ALS2CL: variants seen among roughly 807,000 people sequenced by gnomAD.
ALS2CL encodes the protein ALS2 C-terminal like, also known as ALS2 C-terminal-like protein.
ALS2CL carries 112 observed loss-of-function variants against 127.9 expected under a neutral mutation model. That is an observed-to-expected ratio of 0.88 (90% CI 0.75 to 1.02). The LOEUF (loss-of-function observed/expected upper bound fraction) is 1.02, where lower values mean the gene tolerates loss of function less well. ALS2CL is among the 50% of genes least tolerant of loss of function. The probability of loss-of-function intolerance (pLI) is 0.00; values close to 1 mark genes in which losing one functional copy is unlikely to be tolerated. For missense variants in ALS2CL, 1,174 were observed against 1,236.7 expected, an observed-to-expected ratio of 0.95 and a Z score of 0.76; for synonymous variants, 519 against 527.6, an observed-to-expected ratio of 0.98 and a Z score of 0.22.
At position 46,681,482 on chromosome 3, in the gene ALS2CL, C is replaced by G. The variant is rs187994419; in HGVS notation, c.1274+18G>C. The G allele has an allele frequency of 5.6e-6, 9 of 1,614,082 alleles. No individual in the cohort carries two copies. Among genetic ancestry groups the G allele is most frequent in the Non-Finnish European group, 7.6e-6 (9 of 1,179,938 alleles). ...AGGATGGGCCCAGCCCATGAACCCC[C>G]CAGCCAGGGTCACTTACTCACAGAT... On this transcript the variant is annotated intron_variant, in intron 12 of 25. Coordinates refer to ENST00000318962, the MANE Select transcript of ALS2CL (RefSeq NM_147129.5). This position sits in a 1 kb window ranked among gnomAD's most constrained non-coding sequence, Gnocchi z 4.9.
At chr3:46,679,537 G>A in intron 14 of ALS2CL, 1 of 300,376 alleles carries the variant, frequency 3.3e-6, no homozygotes, top group Non-Finnish European at 6.1e-6. Flanking sequence ...CCTCACCCCA[G>A]CGGCTTCTTC....
rs1698665152 is a variant in ALS2CL, at chr3:46,674,644, T to C, written c.2351A>G (p.Asp784Gly). 1 of 1,614,078 alleles carries C rather than the reference T, an allele frequency of 6.2e-7. No individual in the cohort carries two copies. ...GGCAATGCCCTGGCTGTAGAAGCTG[T>C]CCTCCCGCTCATGAAGCAGCAGGTA... is the stretch of plus-strand genomic sequence containing the variant. ...TLYLLLHERE[D>G]SFYSQGIANL... Residue 784 changes from aspartate to glycine, a missense_variant, in exon 21 of 26, where the codon GAC becomes GGC. Physicochemically the swap from Asp to Gly is moderately conservative, Grantham distance 94 (BLOSUM62 -1). Coordinates refer to ENST00000318962, the MANE Select transcript of ALS2CL (RefSeq NM_147129.5).
At chr3:46,680,923 T>C (rs1386168365) in intron 13 of ALS2CL, 3 of 547,824 alleles carry the variant, frequency 5.5e-6, no homozygotes, top group Non-Finnish European at 9.9e-6. Context: ...GAGGCTGTGA[T>C]TGCCAGGCCA....
chr3:46,670,070 T>G lies in ALS2CL; in HGVS notation c.*914A>C, dbSNP rs1304407006. The G allele has an allele frequency of 1.3e-5, 2 of 152,206 alleles. No individual in the cohort carries two copies. Among genetic ancestry groups the G allele is most frequent in the Non-Finnish European group, 2.9e-5 (2 of 68,070 alleles). 9.4% of individuals were successfully genotyped at this position (152,206 alleles called of 1,614,324 possible). On this transcript the variant is annotated 3_prime_UTR_variant, in exon 26 of 26. Coordinates refer to ENST00000318962, the MANE Select transcript of ALS2CL (RefSeq NM_147129.5). This position sits in a 1 kb window ranked among gnomAD's most constrained non-coding sequence, Gnocchi z 5.5. ...ATCACACTGCCTGTCATCATGCATC[T>G]CCGGCTAGGGCAGAGGGAGACCGTG...
chr3:46,673,238 CT>C, intron 22 of ALS2CL, 100 bp downstream of exon 22: 1 of 1,084,946 alleles, frequency 9.2e-7, no homozygotes, highest in Non-Finnish European at 1.3e-6. Flanking sequence ...CCCTCCCCAG[CT>C]CCTCTGCAGC....
intron 11 of ALS2CL, 27 bp downstream of exon 11, chr3:46,682,002 C>T (rs760640119): frequency 4.3e-6 from 7 of 1,612,830 alleles, no homozygotes; most frequent in Non-Finnish European, 5.1e-6. Flanking sequence ...CTGCACGCCT[C>T]CCAGCAGTAG....
intron 4 of ALS2CL, among the ~76,000 whole-genome samples, chr3:46,687,411 G>C (rs1269360831): frequency 2.0e-5 from 3 of 152,262 alleles, no homozygotes; most frequent in Non-Finnish European, 4.4e-5. Flanking sequence ...AGCCCAGCTA[G>C]AGCGGGTCTG....
chr3:46,688,069 AG>A (rs757524951), intron 3 of ALS2CL, 28 bp downstream of exon 3: 1 of 1,605,038 alleles, frequency 6.2e-7, no homozygotes, highest in Admixed American at 1.7e-5. Context: ...ACCAGGGATG[AG>A]CCCCAGCCCC....
Position 46,691,986 on chromosome 3 carries a change from G to A in ALS2CL, c.-26+1657C>T, listed in dbSNP as rs370827087. Among the ~76,000 whole-genome samples, 28 of 152,254 alleles carry A rather than the reference G, an allele frequency of 1.8e-4. No homozygotes were observed. The South Asian group carries it at 4.6e-3, about 25-fold the overall frequency. On this transcript the variant is annotated intron_variant, in intron 1 of 25. Coordinates refer to ENST00000318962, the MANE Select transcript of ALS2CL (RefSeq NM_147129.5). The stretch of plus-strand genomic sequence containing the variant: ...ACCCCACAAAGCAGCCTATGACTCC[G>A]GGGGTGAGTCCTCCAGACTCAAGTT...
chr3:46,685,564 C>T lies in ALS2CL; in HGVS notation c.747G>A (p.Glu249=). 1 of 1,614,044 alleles carries T rather than the reference C, an allele frequency of 6.2e-7. No individual in the cohort carries two copies. Among genetic ancestry groups the T allele is most frequent in the Non-Finnish European group, 8.5e-7 (1 of 1,179,964 alleles). ...GGGCATCATCAAAGAGCAGCACACGCTCAGCCCGCAACGGTGCGACCGTCA... is the reference window on the plus strand; with the variant it reads ...GGGCATCATCAAAGAGCAGCACACGTTCAGCCCGCAACGGTGCGACCGTCA... ...VPVTVAPLRA[E]RVLLFDDALV... is the part of the protein sequence containing the mutation. The change falls in exon 7 of 26, where the codon GAG becomes GAA. Residue 249 remains glutamate, a synonymous_variant. Coordinates refer to ENST00000318962, the MANE Select transcript of ALS2CL (RefSeq NM_147129.5).
At chr3:46,679,380 T>G in intron 14 of ALS2CL, 93 bp from the exon 15 acceptor site, 51 of 1,003,528 alleles carry the variant, frequency 5.1e-5, no homozygotes, top group Non-Finnish European at 6.5e-5. Context: ...AAGGGAGATG[T>G]GCCCTGACAC....
At position 46,669,010 on chromosome 3, in the gene ALS2CL, CTTT is replaced by C. The variant is rs1392569505; in HGVS notation, c.*1971_*1973del. 6.6e-6 allele frequency: 1 copy of C among 152,138 alleles called. No individual in the cohort carries two copies. Among genetic ancestry groups the C allele is most frequent in the African/African-American group, 2.4e-5 (1 of 41,410 alleles). 9.4% of individuals were successfully genotyped at this position (152,138 alleles called of 1,614,324 possible). A position where few individuals can be genotyped will look rare whatever the true frequency, so the allele number is the denominator to read the frequency against. Reference sequence around the variant, plus strand: ...GCCCCCTAGGCTCTGTCCAGATGCTCTTTTTTATTTATTTTATTTTTATTTTTA... The same window carrying C: ...GCCCCCTAGGCTCTGTCCAGATGCTCTTTATTTATTTTATTTTTATTTTTA... On this transcript the variant is annotated 3_prime_UTR_variant, in exon 26 of 26. Coordinates refer to ENST00000318962, the MANE Select transcript of ALS2CL (RefSeq NM_147129.5).
rs1195083116 is a variant in ALS2CL, at chr3:46,687,608, C to G, written c.368+11G>C. The stretch of plus-strand genomic sequence containing the variant: ...CCCTGTCAGGGGCCAGTGCACCAGC[C>G]CTGTGCTCACCTTCTCCTCTTTGCT... On this transcript the variant is annotated intron_variant, in intron 4 of 25. Transcript: ENST00000318962. The G allele has an allele frequency of 1.1e-5, 18 of 1,612,466 alleles. No homozygotes were observed. The highest frequency in any genetic ancestry group is 1.5e-5 in the Non-Finnish European group (18 of 1,179,380).
intron 3 of ALS2CL, 31 bp from the exon 4 acceptor site, chr3:46,687,715 C>T (rs752579816): frequency 6.2e-7 from 1 of 1,600,030 alleles, no homozygotes; most frequent in South Asian, 1.1e-5. Flanking sequence ...ACCCTGCAAA[C>T]CCAGTCCTCA....
intron 3 of ALS2CL, 21 bp downstream of exon 3, chr3:46,688,076 GC>G: frequency 1.2e-6 from 2 of 1,608,818 alleles, no homozygotes; most frequent in Non-Finnish European, 1.7e-6. Context: ...ATGAGCCCCA[GC>G]CCCACCTCCA....
Position 46,684,009 on chromosome 3 carries a change from C to A in ALS2CL, c.825G>T (p.Trp275Cys). 1 of 1,576,218 alleles carries A rather than the reference C, an allele frequency of 6.3e-7. No individual in the cohort carries two copies. Among genetic ancestry groups the A allele is most frequent in the Non-Finnish European group, 8.6e-7 (1 of 1,159,818 alleles). Reference sequence around the variant, plus strand: ...CTCACCCGTCCTGCCCAGGATCCACCCACACCAGCTTCAGATCAAAGGTGT... The same window carrying A: ...CTCACCCGTCCTGCCCAGGATCCACACACACCAGCTTCAGATCAAAGGTGT... ...NVHTFDLKLVWVDPGQDGCTF... is the reference protein window; with the variant it reads ...NVHTFDLKLVCVDPGQDGCTF... Residue 275 changes from tryptophan (W) to cysteine (C), a missense_variant, in exon 8 of 26, where the codon TGG (tryptophan) becomes TGT (cysteine). Trp to Cys is a radical substitution (Grantham distance 215, BLOSUM62 -2). Coordinates refer to ENST00000318962, the MANE Select transcript of ALS2CL (RefSeq NM_147129.5).
At chr3:46,672,960 C>G (rs931896238) in intron 22 of ALS2CL, among the ~76,000 whole-genome samples, 1 of 152,098 alleles carries the variant, frequency 6.6e-6, no homozygotes, top group Non-Finnish European at 1.5e-5. Flanking sequence ...GAGCTGAGAT[C>G]GCACCACTGC....
Position 46,686,427 on chromosome 3 carries a change from G to A in ALS2CL, c.547C>T (p.Arg183Trp), listed in dbSNP as rs1195841047. ...GDTIGEHHPT[R>W]ELVVNAVTLF... ...GTGACTGCGTTCACCACCAGCTCCC[G>A]GGTTGGGTGATGCTGAAGGGGGACA... Residue 183 changes from arginine (R) to tryptophan (W), a missense_variant, in exon 6 of 26, where the codon CGG becomes TGG. Arg to Trp is a moderately radical substitution (Grantham distance 101). Transcript: ENST00000318962. The surrounding 1 kb of genome is among the most constrained non-coding windows in gnomAD (Gnocchi z 4.3). 14 of 1,613,044 alleles carry A rather than the reference G, an allele frequency of 8.7e-6. No individual in the cohort carries two copies. The highest frequency in any genetic ancestry group is 4.0e-5 in the African/African-American group (3 of 74,892).
intron 7 of ALS2CL, among the ~76,000 whole-genome samples, chr3:46,685,249 C>A (rs60792688): frequency 0.039 from 5,902 of 152,288 alleles, 390 homozygotes; most frequent in African/African-American, 0.13. Context: ...CCCACATTCC[C>A]GATGGGAAAA....
Sources: allele counts gnomAD v4.1 joint callset (sites outside exome capture counted in the v4.1 genomes callset), GRCh38; gene constraint gnomAD v4.1.1; non-coding constraint Gnocchi (gnomAD v3.1); transcripts MANE v1.5; gene names NCBI Gene and HGNC (gene_info 2026-07-23, HGNC 2026-07-21).